RGS5: variants seen among roughly 807,000 people sequenced by gnomAD.
RGS5 encodes the protein regulator of G protein signaling 5.
In RGS5, 20 loss-of-function variants were observed where a neutral mutation model predicts 18.9. The observed-to-expected ratio is 1.06, with a 90% CI of 0.74 to 1.54. The LOEUF (loss-of-function observed/expected upper bound fraction) is 1.54. RGS5 is among the 40% of genes most tolerant of loss of function. The pLI, the probability that RGS5 is intolerant of heterozygous loss-of-function variation, is 0.00. For synonymous variants in RGS5, 57 were observed against 76.2 expected (o/e 0.75, Z 1.31); for missense variants, 201 against 211.8 (o/e 0.95, Z 0.32).
chr1:163,235,666 G>A (rs1269764234), intron 2 of RGS5, among the ~76,000 whole-genome samples: 1 of 152,180 alleles, frequency 6.6e-6, no homozygotes, highest in Non-Finnish European at 1.5e-5. Flanking sequence ...TGGCAGCTGA[G>A]TAGCTCTCTC....
intron 2 of RGS5, among the ~76,000 whole-genome samples, chr1:163,257,827 T>C (rs1648319715): frequency 6.6e-6 from 1 of 152,212 alleles, no homozygotes; most frequent in African/African-American, 2.4e-5. Flanking sequence ...ACAATCTCCC[T>C]AGGGTGCTAG....
intron 2 of RGS5, among the ~76,000 whole-genome samples, chr1:163,168,006 T>C (rs1571230604): frequency 6.6e-6 from 1 of 152,266 alleles, no homozygotes; most frequent in African/African-American, 2.4e-5. Flanking sequence ...TAAGTATGTC[T>C]GTCTCTCAAA....
intron 2 of RGS5, among the ~76,000 whole-genome samples, chr1:163,287,710 CTAAATTAACAGAA>C (rs968807206): frequency 6.6e-6 from 1 of 152,192 alleles, no homozygotes; most frequent in African/African-American, 2.4e-5. Context: ...CCAATACTAC[CTAAATTAACAGAA>C]TATTCATTCA....
upstream of RGS5, among the ~76,000 whole-genome samples, chr1:163,205,386 G>A (rs1294308496): frequency 1.4e-5 from 2 of 142,158 alleles, no homozygotes; most frequent in Admixed American, 1.4e-4. Context: ...AGCCTACTAC[G>A]TAAAATAAAT....
intron 4 of RGS5, among the ~76,000 whole-genome samples, chr1:163,147,918 C>CTTTTTTTTCTTTTTTCTTTTT (rs3065035): frequency 1.3e-5 from 1 of 78,092 alleles, no homozygotes; most frequent in African/African-American, 5.8e-5. Flanking sequence ...TTTTCTTTTT[C>CTTTTTTTTCTTTTTTCTTTTT]TTTTTTTTTT....
At chr1:163,305,326 A>G (rs1337013509) in intron 2 of RGS5, 1 of 152,358 alleles carries the variant, frequency 6.6e-6, no homozygotes, top group Non-Finnish European at 1.5e-5. Context: ...GTAAGGACAG[A>G]GTGCTCACTT....
At chr1:163,259,318 ATTTTTT>A (rs147396685) in intron 2 of RGS5, among the ~76,000 whole-genome samples, 3 of 146,774 alleles carry the variant, frequency 2.0e-5, no homozygotes, top group Admixed American at 6.8e-5. Context: ...TGCCCGGCTA[ATTTTTT>A]TTTTTTTATC....
chr1:163,272,376 TG>T (rs1217490614), intron 2 of RGS5, among the ~76,000 whole-genome samples: 2 of 152,086 alleles, frequency 1.3e-5, no homozygotes, highest in Non-Finnish European at 2.9e-5. Flanking sequence ...CTTTTCTTCA[TG>T]GTATCCTTTG....
intron 2 of RGS5, among the ~76,000 whole-genome samples, chr1:163,292,051 G>A (rs933961244): frequency 1.3e-5 from 2 of 152,014 alleles, no homozygotes; most frequent in East Asian, 3.9e-4. Context: ...TATGAAGGAT[G>A]TGCAGCCTTG....
At chr1:163,272,837 T>A (rs1175930936) in intron 2 of RGS5, among the ~76,000 whole-genome samples, 1 of 152,124 alleles carries the variant, frequency 6.6e-6, no homozygotes, top group African/African-American at 2.4e-5. Context: ...TACAGCTTTA[T>A]GATAAGTTTT....
chr1:163,193,364 C>G (rs1227658576), intron 1 of RGS5, among the ~76,000 whole-genome samples: 1 of 152,094 alleles, frequency 6.6e-6, no homozygotes, highest in African/African-American at 2.4e-5. Context: ...TGGCCAATTC[C>G]TTTAAACACT....
chr1:163,283,492 T>A (rs1164469439), intron 2 of RGS5, among the ~76,000 whole-genome samples: 1 of 152,206 alleles, frequency 6.6e-6, no homozygotes, highest in Non-Finnish European at 1.5e-5. Context: ...GATTCTGTGA[T>A]GTGCAGGCTC....
At chr1:163,294,205 G>T (rs1345360915) in intron 2 of RGS5, among the ~76,000 whole-genome samples, 12 of 152,202 alleles carry the variant, frequency 7.9e-5, no homozygotes, top group Non-Finnish European at 1.5e-4. Flanking sequence ...TTTCTGCATT[G>T]CCCTAGTAGA....
At chr1:163,240,172 CTTTA>C (rs893223694) in intron 2 of RGS5, among the ~76,000 whole-genome samples, 1 of 151,432 alleles carries the variant, frequency 6.6e-6, no homozygotes, top group African/African-American at 2.4e-5. Flanking sequence ...AAAATAATAT[CTTTA>C]TTCATTATAG....
At chr1:163,276,690 C>T (rs927299858) in intron 2 of RGS5, among the ~76,000 whole-genome samples, 2 of 152,332 alleles carry the variant, frequency 1.3e-5, no homozygotes, top group East Asian at 1.9e-4. Context: ...CTCTAAGTCT[C>T]TTGGCCGTAA....
chr1:163,162,053 C>T, intron 2 of RGS5, 77 bp from the exon 3 acceptor site: 1 of 954,408 alleles, frequency 1.0e-6, no homozygotes, highest in South Asian at 1.3e-5. Flanking sequence ...ATAACTACTT[C>T]CTGTTTCTCT....
intron 1 of RGS5, among the ~76,000 whole-genome samples, chr1:163,188,829 T>C (rs914406277): frequency 3.5e-4 from 53 of 151,708 alleles, no homozygotes; most frequent in African/African-American, 1.2e-3. Context: ...GACACGAGCC[T>C]GTAGTCCCAG....
At chr1:163,168,194 G>T in intron 2 of RGS5, 64 bp downstream of exon 2, 1 of 1,206,602 alleles carries the variant, frequency 8.3e-7, no homozygotes, top group Non-Finnish European at 1.2e-6. Context: ...GAGGAATGGT[G>T]CTAAACACTT....
At chr1:163,244,043 A>G (rs186004320) in intron 2 of RGS5, among the ~76,000 whole-genome samples, 78 of 152,338 alleles carry the variant, frequency 5.1e-4, no homozygotes, top group African/African-American at 1.5e-3. Flanking sequence ...AGGATTTAGT[A>G]TAGTTCTCAC....
Sources: gnomAD v4.1 joint callset for allele counts (sites outside exome capture counted in the v4.1 genomes callset) on GRCh38, gnomAD v4.1.1 for gene constraint, MANE v1.5 for transcripts, NCBI Gene and HGNC (gene_info 2026-07-23, HGNC 2026-07-21) for gene names.